HIF1A: variants seen among roughly 807,000 people sequenced by gnomAD.
HIF1A encodes hypoxia-inducible factor 1-alpha.
In HIF1A, 24 loss-of-function variants were observed where a neutral mutation model predicts 92.7. That is an observed-to-expected ratio of 0.26 (90% CI 0.19 to 0.36). The LOEUF is 0.36. HIF1A is among the 10% of genes least tolerant of loss of function. The pLI is 1.00. For synonymous variants in HIF1A, 319 were observed against 338.7 expected, an observed-to-expected ratio of 0.94 and a Z score of 0.64; for missense variants, 799 against 998.5, an observed-to-expected ratio of 0.80 and a Z score of 2.69.
At chr14:61,730,744 G>A (rs761549172) in intron 6 of HIF1A, among the ~76,000 whole-genome samples, 17 of 152,194 alleles carry the variant, frequency 1.1e-4, no homozygotes, top group Admixed American at 3.3e-4. Flanking sequence ...GATTAGCCAC[G>A]TATTGAGTTT....
In HIF1A at chr14:61,747,070, G is replaced by C; in HGVS notation, c.2466G>C (p.Leu822Phe). ...AGGGTGAAGAATTACTCAGAGCTTT[G>C]GATCAAGTTAACTGAGCTTTTTCTT... ...LLQGEELLRA[L>F]DQVN The change falls in exon 15 of 15, where the codon TTG becomes TTC. Residue 822 changes from leucine to phenylalanine, a missense_variant. Physicochemically the swap from Leu to Phe is conservative, Grantham distance 22. This residue lies in a region of HIF1A where 283 missense variants were observed against 277.5 expected (regional missense o/e 1.02). Coordinates refer to ENST00000337138, the MANE Select transcript of HIF1A (RefSeq NM_001530.4). 3 of 1,609,072 alleles carry C rather than the reference G, an allele frequency of 1.9e-6. No homozygotes were observed. Among genetic ancestry groups the C allele is most frequent in the Non-Finnish European group, 2.5e-6 (3 of 1,178,810 alleles).
intron 1 of HIF1A, among the ~76,000 whole-genome samples, chr14:61,704,635 A>G (rs144441463): frequency 1.1e-4 from 17 of 152,338 alleles, no homozygotes; most frequent in Non-Finnish European, 2.1e-4. Context: ...CCAGTAGTCA[A>G]AGCCTTCACT....
rs532181605 is a variant in HIF1A, at chr14:61,747,275, A to T, written c.*190A>T. The T allele has an allele frequency of 9.8e-6, 4 of 409,124 alleles. No homozygotes were observed. The highest frequency in any genetic ancestry group is 1.3e-5 in the Non-Finnish European group (3 of 232,662). The allele number at this position is 409,124 out of a possible 1,614,324, so 25.3% of individuals were successfully genotyped here. A position where few individuals can be genotyped will look rare whatever the true frequency, so the allele number is the denominator to read the frequency against. On this transcript the variant is annotated 3_prime_UTR_variant, in exon 15 of 15. Coordinates refer to ENST00000337138, the MANE Select transcript of HIF1A (RefSeq NM_001530.4). ...TTTTTAGTATGTTCTTTAATGCTGGATCACAGACAGCTCATTTTCTCAGTT... is the reference window on the plus strand; with the variant it reads ...TTTTTAGTATGTTCTTTAATGCTGGTTCACAGACAGCTCATTTTCTCAGTT...
intron 6 of HIF1A, among the ~76,000 whole-genome samples, chr14:61,728,567 A>G (rs2044536353): frequency 6.6e-6 from 1 of 152,232 alleles, no homozygotes; most frequent in Non-Finnish European, 1.5e-5. Flanking sequence ...CCATACACAC[A>G]TGACTCCAGC....
At chr14:61,740,085 T>TTTTC (rs3059959) in intron 10 of HIF1A, 1 of 142,164 alleles carries the variant, frequency 7.0e-6, no homozygotes, top group Non-Finnish European at 1.5e-5. Flanking sequence ...TTTTTTTTTT[T>TTTTC]GACATGGAGT....
At chr14:61,733,575 C>T (rs1444272323) in intron 7 of HIF1A, among the ~76,000 whole-genome samples, 4 of 152,250 alleles carry the variant, frequency 2.6e-5, no homozygotes, top group Admixed American at 2.6e-4. Context: ...GACTGATCAG[C>T]CTTGAACTCA....
intron 10 of HIF1A, among the ~76,000 whole-genome samples, chr14:61,738,888 C>T (rs1268957246): frequency 6.6e-6 from 1 of 152,144 alleles, no homozygotes; most frequent in East Asian, 1.9e-4. Flanking sequence ...AGGCCTGCAT[C>T]ACCATGCCTG....
At chr14:61,710,606 T>G (rs752063231) in intron 1 of HIF1A, among the ~76,000 whole-genome samples, 1 of 152,202 alleles carries the variant, frequency 6.6e-6, no homozygotes, top group Non-Finnish European at 1.5e-5. Context: ...TTTTTGCTAT[T>G]TTTTCCATTA....
Position 61,738,384 on chromosome 14 carries a change from T to C in HIF1A, c.1536+11T>C. ...CAAAGTTCACCTGAGGTAGGTGTCA[T>C]GATATAATCAGAAAGGGACAACTTT... On this transcript the variant is annotated intron_variant, in intron 10 of 14. Coordinates refer to ENST00000337138, the MANE Select transcript of HIF1A (RefSeq NM_001530.4). The C allele has an allele frequency of 6.4e-7, 1 of 1,566,250 alleles. No individual in the cohort carries two copies. The highest frequency in any genetic ancestry group is 1.2e-5 in the South Asian group (1 of 84,534).
intron 6 of HIF1A, among the ~76,000 whole-genome samples, chr14:61,729,661 T>C (rs1282325828): frequency 2.0e-5 from 3 of 152,204 alleles, no homozygotes; most frequent in Non-Finnish European, 4.4e-5. Context: ...ATTTCCATCC[T>C]ATTTTGAGGA....
chr14:61,695,734 GGAGCCAGCGCT>G lies in HIF1A; in HGVS notation c.-70_-60del. ...TTCCTTCTCTTCTCCGCGTGTGGAG[GGAGCCAGCGCT>G]TAGGCCGGAGCGAGCCTGGGGGCCG... On this transcript the variant is annotated 5_prime_UTR_variant, in exon 1 of 15. Coordinates refer to ENST00000337138, the MANE Select transcript of HIF1A (RefSeq NM_001530.4). 1 of 1,508,648 alleles carries G rather than the reference GGAGCCAGCGCT, an allele frequency of 6.6e-7. No individual in the cohort carries two copies. The highest frequency in any genetic ancestry group is 2.0e-5 in the Admixed American group (1 of 50,196). The allele number at this position is 1,508,648 out of a possible 1,614,324, so 93.5% of individuals were successfully genotyped here.
intron 4 of HIF1A, among the ~76,000 whole-genome samples, chr14:61,723,353 G>C (rs2044457392): frequency 1.3e-5 from 2 of 152,222 alleles, no homozygotes; most frequent in South Asian, 2.1e-4. Flanking sequence ...GAGGTACAGA[G>C]TTACTAAGTA....
At chr14:61,713,874 A>G (rs922680043) in intron 1 of HIF1A, among the ~76,000 whole-genome samples, 1 of 152,188 alleles carries the variant, frequency 6.6e-6, no homozygotes, top group Admixed American at 6.5e-5. Flanking sequence ...CTCCAGGTAG[A>G]TAGTGTTAGA....
rs111569195 is a variant in HIF1A at position 61,740,389 on chromosome 14, C to T, written c.1537-116C>T. On this transcript the variant is annotated intron_variant, in intron 10 of 14. Transcript: ENST00000337138. ...CTAGTTAAATAAAATTTGATAAACACGATGGACTTGGTTGTGTGTTTTCTG... is the reference window on the plus strand; with the variant it reads ...CTAGTTAAATAAAATTTGATAAACATGATGGACTTGGTTGTGTGTTTTCTG... The T allele has an allele frequency of 9.2e-4, 697 of 754,018 alleles. 6 individuals are homozygous for T. The African/African-American group carries it at 9.9e-3, about 11-fold the overall frequency. The allele number at this position is 754,018 out of a possible 1,614,324, so 46.7% of individuals were successfully genotyped here. A position where few individuals can be genotyped will look rare whatever the true frequency, so the allele number is the denominator to read the frequency against.
intron 4 of HIF1A, 167 bp from the exon 5 acceptor site, chr14:61,726,539 C>A: frequency 4.3e-6 from 2 of 461,558 alleles, no homozygotes; most frequent in East Asian, 7.4e-5. Context: ...TGTGTCAGAT[C>A]TCTTGGGTGT....
chr14:61,734,036 T>C, intron 7 of HIF1A, 102 bp from the exon 8 acceptor site: 1 of 774,916 alleles, frequency 1.3e-6, no homozygotes, highest in East Asian at 3.0e-5. Context: ...AATAAACATT[T>C]GTTTTCCAAA....
Position 61,740,592 on chromosome 14 carries a change from G to A in HIF1A, c.1624G>A (p.Glu542Lys), listed in dbSNP as rs1282161067. Residue 542 changes from glutamate (E) to lysine (K), a missense_variant, in exon 11 of 15, where the codon GAA becomes AAA. This residue lies in a region of HIF1A where 516 missense variants were observed against 721.0 expected (regional missense o/e 0.72). Coordinates refer to ENST00000337138, the MANE Select transcript of HIF1A (RefSeq NM_001530.4). Reference protein sequence around the residue: ...KLELVEKLFAEDTEAKNPFST... With the variant: ...KLELVEKLFAKDTEAKNPFST... ...GGAATTGGTAGAAAAACTTTTTGCT[G>A]AAGACACAGAAGCAAAGAACCCATT... 1 of 1,608,874 alleles carries A rather than the reference G, an allele frequency of 6.2e-7. No individual in the cohort carries two copies. The highest frequency in any genetic ancestry group is 2.2e-5 in the East Asian group (1 of 44,858).
intron 6 of HIF1A, 27 bp downstream of exon 6, chr14:61,727,682 GA>G (rs758433788): frequency 2.7e-6 from 4 of 1,503,652 alleles, no homozygotes; most frequent in Non-Finnish European, 2.8e-6. Context: ...ATGTGAATTT[GA>G]AATTTTTAAT....
At chr14:61,722,744 A>T (rs2083363050) in intron 4 of HIF1A, among the ~76,000 whole-genome samples, 2 of 152,242 alleles carry the variant, frequency 1.3e-5, no homozygotes, top group South Asian at 4.1e-4. Context: ...TAGATTATAA[A>T]GTATTACATT....
Sources: gnomAD v4.1 joint callset for allele counts (sites outside exome capture counted in the v4.1 genomes callset) on GRCh38, gnomAD v4.1.1 for gene constraint, gnomAD v4.1.1 regional missense constraint, MANE v1.5 for transcripts, NCBI Gene and HGNC (gene_info 2026-07-23, HGNC 2026-07-21) for gene names.